DEFB124: variants seen among roughly 807,000 people sequenced by gnomAD.
DEFB124 encodes defensin beta 124, also known as beta-defensin 124.
For missense variants in DEFB124, 78 were observed against 83.1 expected, an observed-to-expected ratio of 0.94 and a Z score of 0.24; for synonymous variants, 38 against 36.5, an observed-to-expected ratio of 1.04 and a Z score of -0.15.
chr20:31,468,596 C>T (rs1980141293), intron 2 of DEFB124, among the ~76,000 whole-genome samples: 1 of 151,978 alleles, frequency 6.6e-6, no homozygotes, highest in Non-Finnish European at 1.5e-5. Context: ...CTGCCTCAGC[C>T]TCCCGAGTAG....
intron 2 of DEFB124, among the ~76,000 whole-genome samples, chr20:31,466,335 C>G (rs1160879371): frequency 6.6e-6 from 1 of 151,934 alleles, no homozygotes; most frequent in Admixed American, 6.5e-5. Context: ...CACAGTGGCT[C>G]ACGCCTGTAA....
intron 2 of DEFB124, among the ~76,000 whole-genome samples, chr20:31,466,951 C>T (rs981420755): frequency 2.0e-5 from 3 of 151,982 alleles, no homozygotes; most frequent in East Asian, 1.9e-4. Context: ...GAGCTTCCAG[C>T]GTCAAGGAAG....
chr20:31,469,492 G>C (rs1460585841), intron 2 of DEFB124, among the ~76,000 whole-genome samples: 2 of 150,246 alleles, frequency 1.3e-5, no homozygotes, highest in African/African-American at 4.9e-5. Flanking sequence ...GGTGTTTCTC[G>C]CAGAGGGGGA....
chr20:31,474,108 C>A (rs117641137), intron 1 of DEFB124, among the ~76,000 whole-genome samples: 2,251 of 152,316 alleles, frequency 0.015, 24 homozygotes, highest in Middle Eastern at 0.024. Flanking sequence ...CAAGTTCAGA[C>A]TTTTGTATTA....
chr20:31,474,405 T>C (rs1352892101), intron 1 of DEFB124, among the ~76,000 whole-genome samples: 1 of 152,216 alleles, frequency 6.6e-6, no homozygotes, highest in Non-Finnish European at 1.5e-5. Flanking sequence ...GCTGAGCCAG[T>C]CTGTTCAGCT....
At chr20:31,469,902 C>T (rs1242973464) in intron 2 of DEFB124, among the ~76,000 whole-genome samples, 3 of 146,864 alleles carry the variant, frequency 2.0e-5, no homozygotes, top group Non-Finnish European at 3.0e-5. Context: ...CCCACCTTTC[C>T]TCCCTTTCTA....
At chr20:31,468,110 G>A (rs1409736295) in intron 2 of DEFB124, among the ~76,000 whole-genome samples, 1 of 152,100 alleles carries the variant, frequency 6.6e-6, no homozygotes, top group African/African-American at 2.4e-5. Flanking sequence ...CCAATATCCA[G>A]CAGCAGTTCC....
intron 2 of DEFB124, among the ~76,000 whole-genome samples, chr20:31,468,276 C>G (rs1321550283): frequency 1.3e-5 from 2 of 152,330 alleles, no homozygotes; most frequent in East Asian, 3.9e-4. Context: ...GATGCTCCCT[C>G]TACCTGGAAC....
intron 2 of DEFB124, among the ~76,000 whole-genome samples, chr20:31,468,297 C>T (rs1393220598): frequency 6.6e-6 from 1 of 152,092 alleles, no homozygotes; most frequent in Non-Finnish European, 1.5e-5. Context: ...GATCTTTCCT[C>T]GTATTTTCAC....
chr20:31,471,769 G>A (rs1322611061), intron 2 of DEFB124, among the ~76,000 whole-genome samples: 6 of 150,662 alleles, frequency 4.0e-5, no homozygotes, highest in Non-Finnish European at 8.9e-5. Flanking sequence ...CAGACGGGGC[G>A]GCGGGGCAGA....
intron 2 of DEFB124, among the ~76,000 whole-genome samples, chr20:31,466,388 T>C (rs1980082981): frequency 6.6e-6 from 1 of 151,470 alleles, no homozygotes; most frequent in Admixed American, 6.6e-5. Flanking sequence ...TCACCTGGGG[T>C]CAGGAGTTCG....
chr20:31,466,623 A>AT (rs1274120880), intron 2 of DEFB124, among the ~76,000 whole-genome samples: 15 of 147,988 alleles, frequency 1.0e-4, no homozygotes, highest in African/African-American at 2.1e-4. Flanking sequence ...ATATATATAT[A>AT]AAACCTTATC....
chr20:31,467,758 A>T (rs1234723788), intron 2 of DEFB124, among the ~76,000 whole-genome samples: 2 of 146,902 alleles, frequency 1.4e-5, no homozygotes, highest in Non-Finnish European at 3.0e-5. Flanking sequence ...TTCTATAATA[A>T]TTTTTTTTTT....
intron 2 of DEFB124, among the ~76,000 whole-genome samples, chr20:31,472,373 G>C (rs371402916): frequency 0.1 from 15,035 of 150,248 alleles, 850 homozygotes; most frequent in East Asian, 0.27. Context: ...GCTTCGGCTC[G>C]GCATCAGAGG....
chr20:31,467,949 C>A (rs1047153545), intron 2 of DEFB124, among the ~76,000 whole-genome samples: 2 of 152,090 alleles, frequency 1.3e-5, no homozygotes, highest in Non-Finnish European at 2.9e-5. Context: ...GATGGGGTCT[C>A]CCTATGTTGC....
Position 31,470,979 on chromosome 20 carries a change from C to G in DEFB124, c.58+1977G>C, listed in dbSNP as rs564048149. Among the ~76,000 whole-genome samples, 222 of 142,456 alleles carry G rather than the reference C, an allele frequency of 1.6e-3. 1 individual carries two copies. The highest frequency in any genetic ancestry group is 5.8e-3 in the African/African-American group (221 of 38,166). The allele number at this position is 142,456 out of a possible 152,430, so 93.5% of individuals were successfully genotyped here. On this transcript the variant is annotated intron_variant, in intron 2 of 2. Transcript: ENST00000317676. ...GCTGGGCAGAAGCGCCCCTCACTTC[C>G]CGGACGGGGCGGCTGGCCGGGCAGG...
chr20:31,471,409 G>T (rs1600569133), intron 2 of DEFB124, among the ~76,000 whole-genome samples: 1 of 123,364 alleles, frequency 8.1e-6, no homozygotes, highest in Non-Finnish European at 1.7e-5. Flanking sequence ...CGGGCGGGGG[G>T]CTGACCCCCC....
intron 2 of DEFB124, among the ~76,000 whole-genome samples, chr20:31,472,319 G>C (rs1267044716): frequency 6.6e-6 from 1 of 152,146 alleles, no homozygotes; most frequent in African/African-American, 2.4e-5. Context: ...AGGAGAATCA[G>C]GCGGGGAGGT....
chr20:31,467,854 G>C (rs373609156), intron 2 of DEFB124, among the ~76,000 whole-genome samples: 11 of 152,102 alleles, frequency 7.2e-5, no homozygotes, highest in African/African-American at 2.2e-4. Flanking sequence ...CTAGGCTCAA[G>C]CAATCCTTCC....
Sources: allele counts gnomAD v4.1 joint callset (sites outside exome capture counted in the v4.1 genomes callset), GRCh38; gene constraint gnomAD v4.1.1; transcripts MANE v1.5; gene names NCBI Gene and HGNC (gene_info 2026-07-23, HGNC 2026-07-21).